Variants in UBE2E2 observed in about 807,000 individuals in gnomAD.
UBE2E2 encodes ubiquitin-conjugating enzyme E2 E2.
A neutral mutation model predicts 24.7 loss-of-function variants in UBE2E2; 6 were observed. The observed-to-expected ratio is 0.24, with a 90% confidence interval of 0.13 to 0.48. The LOEUF (loss-of-function observed/expected upper bound fraction) is 0.48. Ranked by LOEUF, UBE2E2 falls within the 20% of genes least tolerant of loss-of-function variation. The pLI is 0.99. For missense variants in UBE2E2, 169 were observed against 245.0 expected (o/e 0.69, Z 2.07); for synonymous variants, 104 against 83.6 (o/e 1.24, Z -1.33).
intron 5 of UBE2E2, among the ~76,000 whole-genome samples, chr3:23,579,177 G>T (rs1696411485): frequency 1.3e-5 from 2 of 152,052 alleles, no homozygotes; most frequent in Admixed American, 6.6e-5. Context: ...TGGATCATGA[G>T]GTCAGGAGAT....
At chr3:23,235,589 G>T (rs182527601) in intron 3 of UBE2E2, among the ~76,000 whole-genome samples, 26 of 152,288 alleles carry the variant, frequency 1.7e-4, no homozygotes, top group Admixed American at 8.5e-4. Context: ...GATGCTGACA[G>T]TCATCAGGTG....
At chr3:23,314,206 G>T (rs1046429979) in intron 3 of UBE2E2, among the ~76,000 whole-genome samples, 3 of 152,140 alleles carry the variant, frequency 2.0e-5, no homozygotes, top group African/African-American at 7.2e-5. Context: ...ACAGCTCACT[G>T]TGGCCTTGAT....
intron 3 of UBE2E2, among the ~76,000 whole-genome samples, chr3:23,292,129 A>G (rs1385681717): frequency 6.6e-6 from 1 of 151,972 alleles, no homozygotes; most frequent in Non-Finnish European, 1.5e-5. Flanking sequence ...AAGTGCTGAG[A>G]TTACAGGCCC....
intron 4 of UBE2E2, among the ~76,000 whole-genome samples, chr3:23,521,008 G>T (rs1694851186): frequency 1.3e-5 from 2 of 152,092 alleles, no homozygotes; most frequent in African/African-American, 4.8e-5. Flanking sequence ...TGTATGAAAA[G>T]CTAAATCATC....
At chr3:23,347,410 G>A (rs1003860430) in intron 3 of UBE2E2, among the ~76,000 whole-genome samples, 4 of 152,160 alleles carry the variant, frequency 2.6e-5, no homozygotes, top group Admixed American at 6.5e-5. Context: ...GCAGGGACAT[G>A]GATGAAGCTG....
At chr3:23,211,409 T>C (rs1696320150) in intron 2 of UBE2E2, among the ~76,000 whole-genome samples, 1 of 146,036 alleles carries the variant, frequency 6.8e-6, no homozygotes, top group African/African-American at 2.5e-5. Context: ...TCTGTGGTCT[T>C]TTTTTTTTTT....
At chr3:23,298,618 T>G (rs200558655) in intron 3 of UBE2E2, among the ~76,000 whole-genome samples, 4,349 of 151,908 alleles carry the variant, frequency 0.029, 106 homozygotes, top group East Asian at 0.13. Context: ...TGAACCAGCC[T>G]TGCATCCCAG....
chr3:23,551,775 C>G (rs544540630), intron 5 of UBE2E2, among the ~76,000 whole-genome samples: 1 of 152,314 alleles, frequency 6.6e-6, no homozygotes, highest in South Asian at 2.1e-4. Flanking sequence ...TTTGCTGTAG[C>G]TGGTCCCAGG....
chr3:23,532,664 C>T lies in UBE2E2; in HGVS notation c.471C>T (p.Leu157=). 5 of 1,565,560 alleles carry T rather than the reference C, an allele frequency of 3.2e-6. No individual in the cohort carries two copies. The highest frequency in any genetic ancestry group is 4.4e-6 in the Non-Finnish European group (5 of 1,146,594). Reference sequence around the variant, plus strand: ...CGGCTTTAACTATTTCTAAAGTTCTCCTCTCCATCTGCTCACTTCTTACAG... The same window carrying T: ...CGGCTTTAACTATTTCTAAAGTTCTTCTCTCCATCTGCTCACTTCTTACAG... ...WSPALTISKV[L]LSICSLLTDC... The change falls in exon 5 of 6, where the codon CTC becomes CTT. Residue 157 remains leucine (L), a synonymous_variant. Coordinates refer to ENST00000396703, the MANE Select transcript of UBE2E2 (RefSeq NM_152653.4).
chr3:23,557,060 A>C (rs544759596), intron 5 of UBE2E2, among the ~76,000 whole-genome samples: 1 of 152,312 alleles, frequency 6.6e-6, no homozygotes, highest in South Asian at 2.1e-4. Context: ...CTAATACTAA[A>C]CATTGAAATA....
chr3:23,485,206 T>C (rs1480823492), intron 3 of UBE2E2, among the ~76,000 whole-genome samples: 1 of 150,300 alleles, frequency 6.7e-6, no homozygotes, highest in Non-Finnish European at 1.5e-5. Flanking sequence ...ACCTCCCAAG[T>C]AATCTCAGCC....
At chr3:23,410,351 T>C (rs1697467443) in intron 3 of UBE2E2, among the ~76,000 whole-genome samples, 1 of 152,204 alleles carries the variant, frequency 6.6e-6, no homozygotes, top group African/African-American at 2.4e-5. Context: ...TTGATTTTCC[T>C]CTTTTAAATT....
At chr3:23,565,229 A>G (rs186946665) in intron 5 of UBE2E2, among the ~76,000 whole-genome samples, 1 of 152,214 alleles carries the variant, frequency 6.6e-6, no homozygotes, top group East Asian at 1.9e-4. Flanking sequence ...GATGTGAGTC[A>G]AGGTATATGA....
chr3:23,385,973 T>A (rs887900930), intron 3 of UBE2E2, among the ~76,000 whole-genome samples: 1 of 152,212 alleles, frequency 6.6e-6, no homozygotes, highest in African/African-American at 2.4e-5. Flanking sequence ...TAAAACAAAC[T>A]AAATTTTTTC....
intron 3 of UBE2E2, among the ~76,000 whole-genome samples, chr3:23,493,295 A>G (rs1027938787): frequency 3.3e-5 from 5 of 152,266 alleles, no homozygotes; most frequent in African/African-American, 1.2e-4. Flanking sequence ...AGACAGCGAG[A>G]GCCTATTTTC....
chr3:23,398,092 C>T (rs1391595927), intron 3 of UBE2E2, among the ~76,000 whole-genome samples: 1 of 152,122 alleles, frequency 6.6e-6, no homozygotes, highest in Non-Finnish European at 1.5e-5. Context: ...GCTGGTGGAT[C>T]ACCTGAGGTC....
At chr3:23,456,560 T>G (rs1698684152) in intron 3 of UBE2E2, among the ~76,000 whole-genome samples, 1 of 152,252 alleles carries the variant, frequency 6.6e-6, no homozygotes, top group Non-Finnish European at 1.5e-5. Context: ...CATCTCCTTA[T>G]ACATCTCCAC....
intron 3 of UBE2E2, among the ~76,000 whole-genome samples, chr3:23,231,125 A>G (rs1696964064): frequency 6.6e-6 from 1 of 152,172 alleles, no homozygotes; most frequent in African/African-American, 2.4e-5. Flanking sequence ...TAGTACTAGA[A>G]TTATATTTCC....
intron 3 of UBE2E2, among the ~76,000 whole-genome samples, chr3:23,375,671 A>C (rs184888256): frequency 2.9e-4 from 44 of 152,330 alleles, no homozygotes; most frequent in African/African-American, 1.0e-3. Context: ...ATTATTGGAT[A>C]ATAAATTAAC....
Sources: allele counts gnomAD v4.1 joint callset (sites outside exome capture counted in the v4.1 genomes callset), GRCh38; gene constraint gnomAD v4.1.1; transcripts MANE v1.5; gene names NCBI Gene and HGNC (gene_info 2026-07-23, HGNC 2026-07-21).